SLC4A4: variants seen among roughly 807,000 people sequenced by gnomAD.
SLC4A4 encodes electrogenic sodium bicarbonate cotransporter 1.
Under a neutral mutation model 111.5 loss-of-function variants are expected in SLC4A4, and 27 were observed. The observed-to-expected ratio is 0.24, with a 90% CI of 0.18 to 0.33. The LOEUF (loss-of-function observed/expected upper bound fraction) is 0.33. Ranked by LOEUF, SLC4A4 falls within the 10% of genes least tolerant of loss-of-function variation. SLC4A4 has a pLI of 1.00. For missense variants in SLC4A4, 909 were observed against 1,315.5 expected (o/e 0.69, Z 4.78); for synonymous variants, 443 against 463.4 (o/e 0.96, Z 0.57).
chr4:71,450,605 T>A, intron 10 of SLC4A4, 62 bp downstream of exon 10: 1 of 1,202,726 alleles, frequency 8.3e-7, no homozygotes, highest in Non-Finnish European at 1.1e-6. Flanking sequence ...GAGGTTGTGT[T>A]AAAAAAAAAA....
chr4:71,425,382 A>T (rs1723030783), intron 7 of SLC4A4, among the ~76,000 whole-genome samples: 1 of 152,128 alleles, frequency 6.6e-6, no homozygotes, highest in Admixed American at 6.6e-5. Flanking sequence ...TTTTACTTGA[A>T]ACCAAACCTG....
At chr4:71,419,829 G>T (rs149227738) in intron 7 of SLC4A4, among the ~76,000 whole-genome samples, 1 of 151,956 alleles carries the variant, frequency 6.6e-6, no homozygotes. Flanking sequence ...TTCCTATTCG[G>T]CCATCTTGGC....
Position 71,461,764 on chromosome 4 carries a change from G to A in SLC4A4, c.1498-4680G>A, listed in dbSNP as rs867783523. ...CTTTAAAAAAACATGGGCCAAACAC[G>A]GGCCATCCTTGGTTTAATTGTATAC... On this transcript the variant is annotated intron_variant, in intron 12 of 25. Coordinates refer to ENST00000264485, the MANE Select transcript of SLC4A4 (RefSeq NM_001098484.3). Among the ~76,000 whole-genome samples, 9 of 151,994 alleles carry A rather than the reference G, an allele frequency of 5.9e-5. No homozygotes were observed. In the East Asian group the frequency reaches 1.2e-3, roughly 20 times the overall value.
intron 2 of SLC4A4, among the ~76,000 whole-genome samples, chr4:71,243,673 G>A (rs1400156160): frequency 6.6e-6 from 1 of 152,178 alleles, no homozygotes; most frequent in East Asian, 1.9e-4. Flanking sequence ...GGTAGTGAGG[G>A]TGGTGAGTGA....
At chr4:71,410,192 T>C (rs998951121) in intron 7 of SLC4A4, among the ~76,000 whole-genome samples, 4 of 152,156 alleles carry the variant, frequency 2.6e-5, no homozygotes, top group African/African-American at 7.2e-5. Flanking sequence ...CTGCCTACCA[T>C]AGCTGTGAGA....
intron 1 of SLC4A4, among the ~76,000 whole-genome samples, chr4:71,233,079 T>C (rs1719554751): frequency 6.6e-6 from 1 of 152,254 alleles, no homozygotes; most frequent in African/African-American, 2.4e-5. Context: ...AAATGTGTAA[T>C]GGATGGGTTC....
intron 7 of SLC4A4, among the ~76,000 whole-genome samples, chr4:71,418,820 G>T (rs1198943897): frequency 6.6e-6 from 1 of 152,090 alleles, no homozygotes; most frequent in African/African-American, 2.4e-5. Context: ...AGAATAAAAG[G>T]TAATATCTAC....
chr4:71,341,701 C>T (rs1728919179), intron 4 of SLC4A4, among the ~76,000 whole-genome samples: 1 of 151,726 alleles, frequency 6.6e-6, no homozygotes, highest in Non-Finnish European at 1.5e-5. Flanking sequence ...TTTTTATTTC[C>T]ACAATTTTAA....
chr4:71,302,096 G>T (rs1216460557), intron 3 of SLC4A4, among the ~76,000 whole-genome samples: 2 of 152,104 alleles, frequency 1.3e-5, no homozygotes, highest in African/African-American at 4.8e-5. Flanking sequence ...ATGGGGAGGG[G>T]TTACATATAT....
chr4:71,508,369 C>T (rs1157300474), intron 16 of SLC4A4, among the ~76,000 whole-genome samples: 2 of 151,856 alleles, frequency 1.3e-5, no homozygotes, highest in Non-Finnish European at 2.9e-5. Context: ...AGAGAGAAGA[C>T]TCAAATAAAC....
At chr4:71,158,141 GTCTC>G (rs1272085164) in intron 2 of SLC4A4, among the ~76,000 whole-genome samples, 8 of 120,310 alleles carry the variant, frequency 6.6e-5, no homozygotes, top group South Asian at 2.6e-4. Flanking sequence ...GTGTGTGTGT[GTCTC>G]TCTCTCTCTC....
intron 17 of SLC4A4, among the ~76,000 whole-genome samples, chr4:71,533,871 C>T (rs1319439794): frequency 6.6e-6 from 1 of 151,972 alleles, no homozygotes; most frequent in African/African-American, 2.4e-5. Context: ...TTACTTTTTA[C>T]TTGCTACCTT....
chr4:71,566,203 A>G (rs947211514), intron 24 of SLC4A4, among the ~76,000 whole-genome samples: 1 of 151,688 alleles, frequency 6.6e-6, no homozygotes, highest in Non-Finnish European at 1.5e-5. Flanking sequence ...GCTAACCCCT[A>G]TTAATGGGGT....
chr4:71,399,545 A>G (rs1720166822), intron 7 of SLC4A4, among the ~76,000 whole-genome samples: 1 of 144,938 alleles, frequency 6.9e-6, no homozygotes, highest in Admixed American at 7.2e-5. Flanking sequence ...TCATCATCTC[A>G]GATCTGAATT....
intron 12 of SLC4A4, among the ~76,000 whole-genome samples, chr4:71,454,987 CGACTTCTCCACAT>C (rs1726095095): frequency 6.6e-6 from 1 of 152,172 alleles, no homozygotes; most frequent in Non-Finnish European, 1.5e-5. Context: ...ACTCTCCACA[CGACTTCTCCACAT>C]AGCTAACTTG....
chr4:71,117,732 G>T (rs1208779917), intron 2 of SLC4A4, among the ~76,000 whole-genome samples: 1 of 152,124 alleles, frequency 6.6e-6, no homozygotes, highest in African/African-American at 2.4e-5. Flanking sequence ...ACCCTTCCAA[G>T]ATGGAAAGGG....
At chr4:71,243,871 T>C (rs905165886) in intron 2 of SLC4A4, among the ~76,000 whole-genome samples, 8 of 152,230 alleles carry the variant, frequency 5.3e-5, no homozygotes, top group African/African-American at 1.7e-4. Context: ...GAACAGACTC[T>C]ACTTAGACCT....
At chr4:71,510,916 C>A (rs1354785732) in intron 16 of SLC4A4, among the ~76,000 whole-genome samples, 3 of 152,066 alleles carry the variant, frequency 2.0e-5, no homozygotes, top group Non-Finnish European at 2.9e-5. Context: ...ATGAGGCTTA[C>A]ATAAAACATC....
rs116904310 is a variant in SLC4A4 at position 71,222,236 on chromosome 4, C to T, written c.-1-14340C>T. Among the ~76,000 whole-genome samples, 75 of 152,250 alleles carry T rather than the reference C, an allele frequency of 4.9e-4. 2 individuals carry two copies. In the East Asian group the frequency reaches 0.013, roughly 26 times the overall value. ...TCACTCTGCACCACCTACTGGCCTC[C>T]TTGATGTTCCAGTAATCTTCCTGGC... On this transcript the variant is annotated intron_variant, in intron 1 of 25. Coordinates refer to ENST00000264485, the MANE Select transcript of SLC4A4 (RefSeq NM_001098484.3).
Sources: gnomAD v4.1 joint callset for allele counts (sites outside exome capture counted in the v4.1 genomes callset) on GRCh38, gnomAD v4.1.1 for gene constraint, MANE v1.5 for transcripts, NCBI Gene and HGNC (gene_info 2026-07-23, HGNC 2026-07-21) for gene names.